The following LEKR1 variants were observed in gnomAD, a reference collection of about 807,000 sequenced individuals.
LEKR1 encodes leucine, glutamate and lysine rich 1.
LEKR1 carries 59 observed loss-of-function variants against 72.4 expected under a neutral mutation model. That is an observed-to-expected ratio of 0.82 (90% CI 0.66 to 1.01). LEKR1 has a LOEUF of 1.01. LEKR1 is among the 50% of genes least tolerant of loss of function. LEKR1 has a pLI of 0.00. For synonymous variants in LEKR1, 257 were observed against 263.2 expected (o/e 0.98, Z 0.23); for missense variants, 728 against 759.2 (o/e 0.96, Z 0.48).
At chr3:156,946,758 G>C (rs2107972156) in intron 6 of LEKR1, among the ~76,000 whole-genome samples, 1 of 151,246 alleles carries the variant, frequency 6.6e-6, no homozygotes, top group South Asian at 2.1e-4. Context: ...GCATATGTTG[G>C]ACCATCCTTG....
At chr3:156,987,429 T>C (rs762359575) in intron 7 of LEKR1, among the ~76,000 whole-genome samples, 2 of 152,222 alleles carry the variant, frequency 1.3e-5, no homozygotes, top group Non-Finnish European at 2.9e-5. Context: ...TTCCTGCTTC[T>C]AGATTTGGGA....
chr3:156,936,612 CTAAA>C (rs1327240983), intron 5 of LEKR1, among the ~76,000 whole-genome samples: 1 of 151,936 alleles, frequency 6.6e-6, no homozygotes, highest in Non-Finnish European at 1.5e-5. Context: ...AGCTTTTCTC[CTAAA>C]TAAAGTAACA....
chr3:156,993,638 G>A (rs7621842), intron 9 of LEKR1, among the ~76,000 whole-genome samples: 3 of 151,904 alleles, frequency 2.0e-5, no homozygotes, highest in African/African-American at 7.3e-5. Context: ...CAACAGAAAA[G>A]ATCTTTTTAT....
chr3:156,957,008 G>A (rs1375288185), intron 6 of LEKR1, among the ~76,000 whole-genome samples: 1 of 151,816 alleles, frequency 6.6e-6, no homozygotes, highest in African/African-American at 2.4e-5. Context: ...GGTGACATAA[G>A]TTATTACTGT....
At chr3:156,970,211 C>G in intron 6 of LEKR1, among the ~76,000 whole-genome samples, 1 of 152,160 alleles carries the variant, frequency 6.6e-6, no homozygotes, top group Admixed American at 6.5e-5. Flanking sequence ...AAAACTGGCA[C>G]AAGACAGGGA....
chr3:156,952,006 G>A (rs139459448), intron 6 of LEKR1, among the ~76,000 whole-genome samples: 34 of 151,534 alleles, frequency 2.2e-4, no homozygotes, highest in African/African-American at 8.2e-4. Flanking sequence ...TTTCATCTTT[G>A]AGTGTATGAA....
chr3:156,893,431 T>C (rs1195038666), intron 3 of LEKR1, among the ~76,000 whole-genome samples: 1 of 152,202 alleles, frequency 6.6e-6, no homozygotes, highest in Admixed American at 6.5e-5. Context: ...CTGATATAGT[T>C]TAGATGTTTG....
intron 12 of LEKR1, among the ~76,000 whole-genome samples, chr3:157,042,171 A>C (rs1355042855): frequency 6.6e-6 from 1 of 152,252 alleles, no homozygotes; most frequent in Non-Finnish European, 1.5e-5. Context: ...CTAACATTTC[A>C]TAATGTTTTG....
chr3:156,953,882 C>G (rs1727392633), intron 6 of LEKR1, among the ~76,000 whole-genome samples: 1 of 151,610 alleles, frequency 6.6e-6, no homozygotes. Flanking sequence ...GGGTATATAC[C>G]CAGTAACGGG....
intron 6 of LEKR1, among the ~76,000 whole-genome samples, chr3:156,950,070 G>A (rs1049979155): frequency 1.5e-4 from 23 of 151,382 alleles, no homozygotes; most frequent in African/African-American, 5.6e-4. Context: ...TTTTGATTTT[G>A]TTGAGTCAAT....
intron 5 of LEKR1, among the ~76,000 whole-genome samples, chr3:156,935,362 TA>T (rs1560092735): frequency 1.3e-5 from 2 of 152,168 alleles, no homozygotes; most frequent in African/African-American, 4.8e-5. Context: ...TTTTGCCTTT[TA>T]AAAAACTTTC....
At chr3:156,948,337 A>G (rs950572959) in intron 6 of LEKR1, among the ~76,000 whole-genome samples, 4 of 150,972 alleles carry the variant, frequency 2.6e-5, no homozygotes, top group Non-Finnish European at 5.9e-5. Flanking sequence ...ATTTATTTTT[A>G]TATATTTGTT....
chr3:157,026,029 A>G (rs1349613950), intron 11 of LEKR1, among the ~76,000 whole-genome samples: 1 of 151,976 alleles, frequency 6.6e-6, no homozygotes, highest in East Asian at 1.9e-4. Flanking sequence ...CAGACTGGGC[A>G]ACAAAGTGAG....
chr3:157,046,080 G>A lies in LEKR1; in HGVS notation c.*330G>A, dbSNP rs370732927. On this transcript the variant is annotated 3_prime_UTR_variant, in exon 13 of 13. Coordinates refer to ENST00000356539, the MANE Select transcript of LEKR1 (RefSeq NM_001004316.3). ...CCATAACATCTTTTCAATTTCTTGC[G>A]CCACTACAAGCAGATATATTTCCAC... 10 of 220,108 alleles carry A rather than the reference G, an allele frequency of 4.5e-5. No individual in the cohort carries two copies. The highest frequency in any genetic ancestry group is 2.1e-4 in the African/African-American group (9 of 43,772). The allele number at this position is 220,108 out of a possible 1,614,324, so 13.6% of individuals were successfully genotyped here. A position where few individuals can be genotyped will look rare whatever the true frequency, so the allele number is the denominator to read the frequency against.
Position 157,045,603 on chromosome 3 carries a change from T to C in LEKR1, c.1932T>C (p.Thr644=), listed in dbSNP as rs1244727512. ...TGCGCGGGGTGTCAAAACCCACCAC[T>C]TTCCCAACCTCAGATAAGCCGAAGA... ...PNLRGVSKPT[T]FPTSDKPKRV... is the part of the protein sequence containing the mutation. The change falls in exon 13 of 13, where the codon ACT becomes ACC. Residue 644 remains threonine (T), a synonymous_variant. Transcript: ENST00000356539. The C allele has an allele frequency of 1.9e-6, 3 of 1,614,180 alleles. No individual in the cohort carries two copies. The South Asian group carries it at 3.3e-5, about 18-fold the overall frequency.
At chr3:156,855,466 T>C (rs1433224801) in intron 3 of LEKR1, among the ~76,000 whole-genome samples, 3 of 152,188 alleles carry the variant, frequency 2.0e-5, no homozygotes, top group Admixed American at 2.0e-4. Context: ...TGTTATTGGG[T>C]TATTTGCTTA....
At chr3:156,839,330 A>G (rs1229975350) in intron 2 of LEKR1, among the ~76,000 whole-genome samples, 3 of 152,234 alleles carry the variant, frequency 2.0e-5, no homozygotes, top group African/African-American at 4.8e-5. Context: ...AGGACTGTCA[A>G]TGCTATGGAA....
intron 6 of LEKR1, among the ~76,000 whole-genome samples, chr3:156,952,946 GTCAAA>G (rs1338856481): frequency 7.3e-5 from 11 of 151,362 alleles, no homozygotes; most frequent in Non-Finnish European, 1.3e-4. Flanking sequence ...AAACTATATT[GTCAAA>G]CAAAGAAAGG....
chr3:156,949,069 CT>C (rs754601814), intron 6 of LEKR1, among the ~76,000 whole-genome samples: 29 of 151,206 alleles, frequency 1.9e-4, no homozygotes, highest in Non-Finnish European at 3.8e-4. Flanking sequence ...AGACCTTTGT[CT>C]GCTGCATACT....
Sources: gnomAD v4.1 joint callset for allele counts (sites outside exome capture counted in the v4.1 genomes callset) on GRCh38, gnomAD v4.1.1 for gene constraint, MANE v1.5 for transcripts, NCBI Gene and HGNC (gene_info 2026-07-23, HGNC 2026-07-21) for gene names.